Variants in EIF3H observed in about 807,000 individuals in gnomAD.
The protein encoded by EIF3H is eukaryotic translation initiation factor 3 subunit H, also known as eIF-3-gamma.
Under a neutral mutation model 44.2 loss-of-function variants are expected in EIF3H, and 26 were observed. That is an observed-to-expected ratio of 0.59 (90% CI 0.43 to 0.82). EIF3H has a LOEUF of 0.82. Ranked by LOEUF, EIF3H falls within the 40% of genes least tolerant of loss-of-function variation. EIF3H has a pLI of 0.00. For synonymous variants in EIF3H, 166 were observed against 151.9 expected, an observed-to-expected ratio of 1.09 and a Z score of -0.68; for missense variants, 359 against 432.8, an observed-to-expected ratio of 0.83 and a Z score of 1.51.
chr8:116,706,905 A>G (rs1203983358), intron 2 of EIF3H, among the ~76,000 whole-genome samples: 2 of 152,176 alleles, frequency 1.3e-5, no homozygotes, highest in Non-Finnish European at 2.9e-5. Flanking sequence ...AGGCTAATAT[A>G]AGTGTTCTGA....
intron 2 of EIF3H, among the ~76,000 whole-genome samples, chr8:116,659,316 T>C (rs1219097621): frequency 6.6e-6 from 1 of 152,180 alleles, no homozygotes; most frequent in Non-Finnish European, 1.5e-5. Flanking sequence ...TTAAGAAAAA[T>C]TTGTGTAATT....
chr8:116,672,429 C>A (rs1311267038), intron 2 of EIF3H, among the ~76,000 whole-genome samples: 1 of 152,126 alleles, frequency 6.6e-6, no homozygotes, highest in Non-Finnish European at 1.5e-5. Flanking sequence ...AGTTCGAGAC[C>A]AGCGCAGATG....
intron 2 of EIF3H, among the ~76,000 whole-genome samples, chr8:116,712,002 GAAGA>G (rs145096711): frequency 0.44 from 67,004 of 151,748 alleles, 18,602 homozygotes; most frequent in Non-Finnish European, 0.62. Flanking sequence ...AACAACAAAA[GAAGA>G]AAGAAAGAAA....
At chr8:116,672,958 A>G (rs1813781952) in intron 2 of EIF3H, among the ~76,000 whole-genome samples, 1 of 151,732 alleles carries the variant, frequency 6.6e-6, no homozygotes, top group African/African-American at 2.4e-5. Flanking sequence ...TCCAAGTTTT[A>G]AAAAGTTATC....
intron 2 of EIF3H, among the ~76,000 whole-genome samples, chr8:116,707,104 C>G (rs1814484829): frequency 1.3e-5 from 2 of 152,170 alleles, no homozygotes; most frequent in Admixed American, 1.3e-4. Context: ...TCCACGGAAT[C>G]CCATCCTATA....
intron 1 of EIF3H, among the ~76,000 whole-genome samples, chr8:116,751,425 C>T (rs1195466691): frequency 6.6e-6 from 1 of 152,114 alleles, no homozygotes; most frequent in Non-Finnish European, 1.5e-5. Context: ...AAAGCATAGT[C>T]CCTGCCCTCA....
intron 2 of EIF3H, among the ~76,000 whole-genome samples, chr8:116,660,771 A>C (rs1339118963): frequency 6.6e-6 from 1 of 152,168 alleles, no homozygotes; most frequent in African/African-American, 2.4e-5. Flanking sequence ...GGAGAAGGTG[A>C]TACCAGACAC....
intron 1 of EIF3H, among the ~76,000 whole-genome samples, chr8:116,735,833 G>A (rs1815026853): frequency 6.6e-6 from 1 of 151,968 alleles, no homozygotes; most frequent in South Asian, 2.1e-4. Flanking sequence ...AGCTAAAGGA[G>A]GCTGGGAGGG....
chr8:116,682,031 T>C (rs568404123), intron 2 of EIF3H, among the ~76,000 whole-genome samples: 18 of 152,358 alleles, frequency 1.2e-4, no homozygotes, highest in African/African-American at 3.8e-4. Flanking sequence ...AACTGCATCA[T>C]AGAATCCAGG....
chr8:116,760,801 A>T (rs1815511228), upstream of EIF3H, among the ~76,000 whole-genome samples: 1 of 152,182 alleles, frequency 6.6e-6, no homozygotes. Context: ...CCTGCTGCTT[A>T]AAAATATATA....
chr8:116,654,420 G>C (rs181154150), intron 5 of EIF3H, among the ~76,000 whole-genome samples: 1 of 152,110 alleles, frequency 6.6e-6, no homozygotes, highest in South Asian at 2.1e-4. Context: ...AAGGCAGCCT[G>C]GGAAAAGGTG....
chr8:116,663,079 C>T (rs544788494), intron 2 of EIF3H, among the ~76,000 whole-genome samples: 2 of 152,270 alleles, frequency 1.3e-5, no homozygotes, highest in Non-Finnish European at 2.9e-5. Flanking sequence ...TCATAGCCCA[C>T]AGGCTCTGGT....
intron 1 of EIF3H, among the ~76,000 whole-genome samples, chr8:116,736,734 T>C (rs1815048372): frequency 6.6e-6 from 1 of 152,188 alleles, no homozygotes; most frequent in Admixed American, 6.5e-5. Context: ...TTTAAAAGTC[T>C]GATGAAGAAA....
chr8:116,645,652 C>T (rs915908647), intron 7 of EIF3H, among the ~76,000 whole-genome samples: 1 of 152,194 alleles, frequency 6.6e-6, no homozygotes, highest in African/African-American at 2.4e-5. Flanking sequence ...GCAACAGTTA[C>T]ATCAGTTACA....
chr8:116,706,098 G>A (rs575032242), intron 2 of EIF3H, among the ~76,000 whole-genome samples: 125 of 151,892 alleles, frequency 8.2e-4, no homozygotes, highest in Non-Finnish European at 1.2e-3. Context: ...AATGTCAAAT[G>A]AAAAGTCCTA....
intron 1 of EIF3H, among the ~76,000 whole-genome samples, chr8:116,750,432 C>T (rs1348364031): frequency 1.4e-4 from 19 of 133,988 alleles, no homozygotes; most frequent in African/African-American, 4.6e-4. Flanking sequence ...TTTTCTGAGA[C>T]GGAGTCTCGC....
chr8:116,703,389 A>C (rs1814412088), intron 2 of EIF3H, among the ~76,000 whole-genome samples: 1 of 151,948 alleles, frequency 6.6e-6, no homozygotes, highest in African/African-American at 2.4e-5. Context: ...GTTAGAGAAG[A>C]ATCTGCTCCA....
intron 1 of EIF3H, among the ~76,000 whole-genome samples, chr8:116,748,446 C>T (rs2130981740): frequency 6.6e-6 from 1 of 152,286 alleles, no homozygotes; most frequent in South Asian, 2.1e-4. Context: ...GAAATATGAA[C>T]AAGCCCAGAA....
At chr8:116,743,533 C>T (rs1351998267) in intron 1 of EIF3H, among the ~76,000 whole-genome samples, 1 of 151,870 alleles carries the variant, frequency 6.6e-6, no homozygotes, top group African/African-American at 2.4e-5. Flanking sequence ...CACTTGAGGC[C>T]AGGAGTTCAA....
Sources: gnomAD v4.1 joint callset for allele counts (sites outside exome capture counted in the v4.1 genomes callset) on GRCh38, gnomAD v4.1.1 for gene constraint, MANE v1.5 for transcripts, NCBI Gene and HGNC (gene_info 2026-07-23, HGNC 2026-07-21) for gene names.